Variants in CAMK2D observed in about 807,000 individuals in gnomAD.
CAMK2D encodes calcium/calmodulin dependent protein kinase II delta.
A neutral mutation model predicts 84.0 loss-of-function variants in CAMK2D; 37 were observed. The ratio of observed to expected loss-of-function variants is 0.44; its 90% CI spans 0.34 to 0.58. The LOEUF is 0.58. Ranked by LOEUF, CAMK2D falls within the 20% of genes least tolerant of loss-of-function variation. CAMK2D has a pLI of 0.02. For synonymous variants in CAMK2D, 202 were observed against 212.5 expected (o/e 0.95, Z 0.43); for missense variants, 448 against 652.5 (o/e 0.69, Z 3.41).
intron 18 of CAMK2D, among the ~76,000 whole-genome samples, chr4:113,459,206 C>T (rs932349261): frequency 5.3e-5 from 8 of 151,950 alleles, no homozygotes; most frequent in Admixed American, 5.3e-4. Flanking sequence ...TTTTTTCCTC[C>T]TATTTTTTCT....
At chr4:113,730,568 G>A (rs983269866) in intron 2 of CAMK2D, among the ~76,000 whole-genome samples, 1 of 152,132 alleles carries the variant, frequency 6.6e-6, no homozygotes, top group Non-Finnish European at 1.5e-5. Flanking sequence ...CTGAATATCA[G>A]GTTCATCAAG....
Position 113,694,651 on chromosome 4 carries a change from T to G in CAMK2D, c.161-32879A>C, listed in dbSNP as rs557672709. 1.2e-4 allele frequency among the ~76,000 whole-genome samples: 19 copies of G among 152,260 alleles called. No individual in the cohort carries two copies. The South Asian group carries it at 3.9e-3, about 32-fold the overall frequency. On this transcript the variant is annotated intron_variant, in intron 2 of 20. Coordinates refer to ENST00000511664, the MANE Select transcript of CAMK2D (RefSeq NM_001321571.2). The stretch of plus-strand genomic sequence containing the variant: ...GATCCCCTTTGCTGTGCACTCTATC[T>G]TACTCTGTGCTTCATCCCATCCATA...
rs76399210 is a variant in CAMK2D, at chr4:113,657,299, C to T, written c.220+4414G>A. Among the ~76,000 whole-genome samples the T allele has an allele frequency of 9.7e-3, 1,473 of 152,160 alleles. 24 individuals carry two copies. Among genetic ancestry groups the T allele is most frequent in the African/African-American group, 0.034 (1,391 of 41,496 alleles). ...ATTCTCTGCATAGAACAAATCCTTA[C>T]GACATTATTATGGTGTTTTGTTTAT... is the stretch of plus-strand genomic sequence containing the variant. On this transcript the variant is annotated intron_variant, in intron 3 of 20. Transcript: ENST00000511664.
chr4:113,722,943 G>A (rs1456157605), intron 2 of CAMK2D, among the ~76,000 whole-genome samples: 1 of 152,094 alleles, frequency 6.6e-6, no homozygotes, highest in Non-Finnish European at 1.5e-5. Flanking sequence ...ACTAATTAAG[G>A]TCCCTTTACC....
chr4:113,530,516 T>G (rs1560751552), intron 8 of CAMK2D, among the ~76,000 whole-genome samples: 1 of 152,306 alleles, frequency 6.6e-6, no homozygotes, highest in African/African-American at 2.4e-5. Flanking sequence ...GTGGTTGTTA[T>G]AGACAATATT....
chr4:113,577,497 T>C (rs2154236739), intron 4 of CAMK2D, among the ~76,000 whole-genome samples: 1 of 152,308 alleles, frequency 6.6e-6, no homozygotes, highest in Admixed American at 6.5e-5. Context: ...ATCATAAGTC[T>C]TCTCACTGTC....
intron 2 of CAMK2D, among the ~76,000 whole-genome samples, chr4:113,729,026 A>T (rs959582477): frequency 1.1e-4 from 16 of 152,100 alleles, no homozygotes; most frequent in African/African-American, 3.9e-4. Context: ...TTACTGTTTT[A>T]AAAAAGTGAT....
chr4:113,458,830 C>T (rs1440034007), intron 18 of CAMK2D, among the ~76,000 whole-genome samples: 2 of 152,110 alleles, frequency 1.3e-5, no homozygotes, highest in East Asian at 3.8e-4. Flanking sequence ...CCTAATCATT[C>T]CTATAATACA....
intron 2 of CAMK2D, among the ~76,000 whole-genome samples, chr4:113,731,287 A>G (rs1360867907): frequency 6.6e-6 from 1 of 152,208 alleles, no homozygotes; most frequent in Non-Finnish European, 1.5e-5. Flanking sequence ...AACTCTGTGT[A>G]TTAGCATTCC....
chr4:113,590,506 C>T (rs2098865943), intron 4 of CAMK2D, among the ~76,000 whole-genome samples: 1 of 152,096 alleles, frequency 6.6e-6, no homozygotes, highest in African/African-American at 2.4e-5. Flanking sequence ...TCAAGATAGT[C>T]AATTTCCTAT....
intron 2 of CAMK2D, among the ~76,000 whole-genome samples, chr4:113,691,011 T>C (rs2099385505): frequency 6.6e-6 from 1 of 152,156 alleles, no homozygotes; most frequent in South Asian, 2.1e-4. Flanking sequence ...AAGAAGTAAT[T>C]ACAAGCAGAG....
At chr4:113,551,057 G>A (rs980095903) in intron 5 of CAMK2D, among the ~76,000 whole-genome samples, 8 of 152,138 alleles carry the variant, frequency 5.3e-5, no homozygotes, top group African/African-American at 1.9e-4. Context: ...GATGGCATTG[G>A]AGAATGGGAG....
At chr4:113,690,528 A>C (rs1296631284) in intron 2 of CAMK2D, among the ~76,000 whole-genome samples, 2 of 152,200 alleles carry the variant, frequency 1.3e-5, no homozygotes, top group Non-Finnish European at 2.9e-5. Flanking sequence ...AAACTGAGGC[A>C]ACAGTATTTA....
intron 2 of CAMK2D, among the ~76,000 whole-genome samples, chr4:113,687,730 C>A (rs2099364099): frequency 6.6e-6 from 1 of 152,316 alleles, no homozygotes; most frequent in African/African-American, 2.4e-5. Flanking sequence ...GAGCTTCTGA[C>A]TGTTCTTGCC....
chr4:113,717,156 A>G lies in CAMK2D; in HGVS notation c.160+42164T>C, dbSNP rs538634257. Among the ~76,000 whole-genome samples, 16 of 152,300 alleles carry G rather than the reference A, an allele frequency of 1.1e-4. No homozygotes were observed. In the South Asian group the frequency reaches 3.3e-3, roughly 32 times the overall value. On this transcript the variant is annotated intron_variant, in intron 2 of 20. Coordinates refer to ENST00000511664, the MANE Select transcript of CAMK2D (RefSeq NM_001321571.2). ...CCCTCTCAGAACAGCAATTATCATCACAAATTAAGAGGGAAAGGCAGATGT... is the reference window on the plus strand; with the variant it reads ...CCCTCTCAGAACAGCAATTATCATCGCAAATTAAGAGGGAAAGGCAGATGT...
In CAMK2D at chr4:113,484,300, T is replaced by C. The variant is rs527549173; in HGVS notation, c.1135+16163A>G. ...TTCCACTTCTCTTATAGATGACTAG[T>C]CCAGGAATAGCTTTAAAATGTCTCT... On this transcript the variant is annotated intron_variant, in intron 16 of 20. Coordinates refer to ENST00000511664, the MANE Select transcript of CAMK2D (RefSeq NM_001321571.2). Among the ~76,000 whole-genome samples, 8 of 152,300 alleles carry C rather than the reference T, an allele frequency of 5.3e-5. 1 individual carries two copies. In the South Asian group the frequency reaches 1.7e-3, roughly 32 times the overall value.
chr4:113,467,916 T>C (rs1235775757), intron 16 of CAMK2D, among the ~76,000 whole-genome samples: 1 of 150,904 alleles, frequency 6.6e-6, no homozygotes, highest in Non-Finnish European at 1.5e-5. Context: ...CCAAAACTTC[T>C]CTCTCACATG....
chr4:113,516,621 T>G (rs570695714), intron 9 of CAMK2D, among the ~76,000 whole-genome samples: 19 of 97,734 alleles, frequency 1.9e-4, no homozygotes, highest in Middle Eastern at 0.01. Flanking sequence ...CACACATCCA[T>G]CTAAATAGAA....
intron 8 of CAMK2D, among the ~76,000 whole-genome samples, chr4:113,524,190 T>A (rs992515921): frequency 6.6e-6 from 1 of 152,296 alleles, no homozygotes; most frequent in Middle Eastern, 3.4e-3. Flanking sequence ...AATTTTTAAG[T>A]GAACAGTTTT....
Sources: gnomAD v4.1 joint callset for allele counts (sites outside exome capture counted in the v4.1 genomes callset) on GRCh38, gnomAD v4.1.1 for gene constraint, MANE v1.5 for transcripts, NCBI Gene and HGNC (gene_info 2026-07-23, HGNC 2026-07-21) for gene names.